The following DNAH11 variants were observed in gnomAD, a reference collection of about 807,000 sequenced individuals.
DNAH11 encodes axonemal beta dynein heavy chain 11.
A neutral mutation model predicts 526.0 loss-of-function variants in DNAH11; 442 were observed. The ratio of observed to expected loss-of-function variants is 0.84; its 90% confidence interval spans 0.78 to 0.91. The LOEUF (loss-of-function observed/expected upper bound fraction) is 0.91. Ranked by LOEUF, DNAH11 falls within the 40% of genes least tolerant of loss-of-function variation. The pLI, the probability that DNAH11 is intolerant of heterozygous loss-of-function variation, is 0.00. For synonymous variants in DNAH11, 2,461 were observed against 1,935.9 expected (o/e 1.27, Z -7.12); for missense variants, 6,989 against 5,448.7 (o/e 1.28, Z -8.90).
chr7:21,757,342 T>C (rs546516073), intron 54 of DNAH11, among the ~76,000 whole-genome samples: 5 of 152,376 alleles, frequency 3.3e-5, no homozygotes, highest in African/African-American at 1.2e-4. Flanking sequence ...GATGAAATGT[T>C]GGCCTGAGGT....
chr7:21,877,799 C>T (rs533576728), intron 74 of DNAH11, among the ~76,000 whole-genome samples: 15 of 143,582 alleles, frequency 1.0e-4, no homozygotes, highest in African/African-American at 2.6e-4. Context: ...GGCATGAACC[C>T]GGGAGGCAGA....
chr7:21,745,155 T>G, intron 51 of DNAH11, 92 bp downstream of exon 51: 1 of 1,319,124 alleles, frequency 7.6e-7, no homozygotes, highest in Non-Finnish European at 1.0e-6. Context: ...CTAAGCACTC[T>G]GAACCATCAG....
At chr7:21,746,903 G>A (rs142799481) in intron 51 of DNAH11, among the ~76,000 whole-genome samples, 40 of 152,220 alleles carry the variant, frequency 2.6e-4, no homozygotes, top group African/African-American at 7.5e-4. Context: ...GGGCGTCCTG[G>A]CTGAGGTGAA....
At chr7:21,628,991 G>T (rs1363466083) in intron 25 of DNAH11, among the ~76,000 whole-genome samples, 1 of 151,992 alleles carries the variant, frequency 6.6e-6, no homozygotes, top group Non-Finnish European at 1.5e-5. Flanking sequence ...GAGGTGTATT[G>T]TTAGGTTGTT....
rs375848380 is a variant in DNAH11, at chr7:21,849,137, G to A, written c.10897-3330G>A. Among the ~76,000 whole-genome samples, 54 of 152,176 alleles carry A rather than the reference G, an allele frequency of 3.5e-4. No homozygotes were observed. The East Asian group carries it at 3.9e-3, about 11-fold the overall frequency. ...TGACCTCAGGTGTTCCACCTGCCTCGGCCTCCCAAAGTGCTGGGATTACGG... is the reference window on the plus strand; with the variant it reads ...TGACCTCAGGTGTTCCACCTGCCTCAGCCTCCCAAAGTGCTGGGATTACGG... On this transcript the variant is annotated intron_variant, in intron 66 of 81. Transcript: ENST00000409508.
At chr7:21,877,874 C>CAA (rs59694030) in intron 74 of DNAH11, among the ~76,000 whole-genome samples, 13,559 of 66,464 alleles carry the variant, frequency 0.2, 1,382 homozygotes, top group Non-Finnish European at 0.24. Context: ...GACTCCATCT[C>CAA]AAAAAAAAAA....
intron 36 of DNAH11, among the ~76,000 whole-genome samples, chr7:21,698,928 C>T (rs1050984879): frequency 3.1e-4 from 47 of 152,030 alleles, no homozygotes; most frequent in East Asian, 1.7e-3. Flanking sequence ...CTATAAAATT[C>T]GAAAAACTTA....
chr7:21,718,553 G>T (rs1005629387), intron 43 of DNAH11, among the ~76,000 whole-genome samples: 2 of 152,118 alleles, frequency 1.3e-5, no homozygotes, highest in Non-Finnish European at 2.9e-5. Context: ...TCTTCATCTT[G>T]AGACAGCTGG....
chr7:21,638,930 T>C lies in DNAH11; in HGVS notation c.4818-9T>C. 6.3e-7 allele frequency: 1 copy of C among 1,594,474 alleles called. No homozygotes were observed. The highest frequency in any genetic ancestry group is 8.5e-7 in the Non-Finnish European group (1 of 1,173,782). On this transcript the variant is annotated splice_polypyrimidine_tract_variant and intron_variant, in intron 27 of 81. Transcript: ENST00000409508. ...AAGATATGCTTAAAAACATTTTTCA[T>C]TCATGTAGGCTTTCTCTTTGTGAAA...
intron 63 of DNAH11, among the ~76,000 whole-genome samples, chr7:21,811,662 A>G (rs1054850154): frequency 2.0e-5 from 3 of 152,140 alleles, no homozygotes; most frequent in Admixed American, 6.5e-5. Context: ...TTGTACAACA[A>G]TGTGAATGTA....
chr7:21,756,562 T>A (rs1029358787), intron 54 of DNAH11, among the ~76,000 whole-genome samples: 19 of 152,122 alleles, frequency 1.2e-4, no homozygotes, highest in African/African-American at 4.3e-4. Flanking sequence ...TTTAAAAAAT[T>A]CAATGAAAAT....
intron 1 of DNAH11, 54 bp from the exon 2 acceptor site, chr7:21,544,952 T>C: frequency 1.4e-6 from 2 of 1,451,334 alleles, no homozygotes; most frequent in Middle Eastern, 2.3e-4. Flanking sequence ...ATATAGTAAA[T>C]CCTGCTTGTT....
intron 26 of DNAH11, 37 bp downstream of exon 26, chr7:21,636,132 GT>G (rs1426429398): frequency 5.3e-6 from 8 of 1,502,654 alleles, no homozygotes; most frequent in Non-Finnish European, 7.2e-6. Context: ...TTCTAGCAAA[GT>G]TTTGTAAAGT....
At position 21,894,943 on chromosome 7, in the gene DNAH11, G is replaced by A. The variant is rs531621159; in HGVS notation, c.12993G>A (p.Thr4331=). ...EAQQFALSYD[T]VPDTWSKLAY... is the part of the protein sequence containing the mutation. ...AGCAGTTTGCATTGAGTTATGACAC[G>A]GTACCAGACACTTGGAGCAAACTGG... Residue 4331 remains threonine, a synonymous_variant, in exon 79 of 82, where the codon ACG becomes ACA. Coordinates refer to ENST00000409508, the MANE Select transcript of DNAH11 (RefSeq NM_001277115.2). 1.7e-5 allele frequency: 27 copies of A among 1,613,920 alleles called. No individual in the cohort carries two copies. Among genetic ancestry groups the A allele is most frequent in the South Asian group, 6.6e-5 (6 of 91,062 alleles).
chr7:21,690,706 CAA>C (rs1783579200), intron 34 of DNAH11, 57 bp from the exon 35 acceptor site: 1 of 1,281,480 alleles, frequency 7.8e-7, no homozygotes, highest in Non-Finnish European at 1.1e-6. Flanking sequence ...TTGCATTTGT[CAA>C]TGTGCATTCA....
intron 34 of DNAH11, among the ~76,000 whole-genome samples, chr7:21,688,492 T>TA (rs1399106104): frequency 8.5e-5 from 13 of 152,242 alleles, no homozygotes; most frequent in South Asian, 2.1e-4. Context: ...CCCAGGGCTT[T>TA]AAAAAAACTC....
At chr7:21,621,193 C>T (rs1161125042) in intron 25 of DNAH11, among the ~76,000 whole-genome samples, 1 of 152,126 alleles carries the variant, frequency 6.6e-6, no homozygotes, top group African/African-American at 2.4e-5. Context: ...ACTACAAACA[C>T]CTCTATGCAA....
At chr7:21,624,727 T>A (rs1415032768) in intron 25 of DNAH11, among the ~76,000 whole-genome samples, 1 of 152,202 alleles carries the variant, frequency 6.6e-6, no homozygotes, top group Non-Finnish European at 1.5e-5. Context: ...ATTCTTTATA[T>A]GCCAATTTTG....
chr7:21,648,146 T>G (rs1787444363), intron 28 of DNAH11, among the ~76,000 whole-genome samples: 1 of 152,206 alleles, frequency 6.6e-6, no homozygotes, highest in Non-Finnish European at 1.5e-5. Context: ...TTTCTGAACC[T>G]CAATATCCTT....
Sources: allele counts gnomAD v4.1 joint callset (sites outside exome capture counted in the v4.1 genomes callset), GRCh38; gene constraint gnomAD v4.1.1; transcripts MANE v1.5; gene names NCBI Gene and HGNC (gene_info 2026-07-23, HGNC 2026-07-21).